DAPK1: variants seen among roughly 807,000 people sequenced by gnomAD.
The protein encoded by DAPK1 is death-associated protein kinase 1.
DAPK1 carries 56 observed loss-of-function variants against 144.9 expected under a neutral mutation model. The observed-to-expected ratio is 0.39, with a 90% CI of 0.31 to 0.48. The LOEUF (loss-of-function observed/expected upper bound fraction) is 0.48, where lower values mean the gene tolerates loss of function less well. DAPK1 is among the 20% of genes least tolerant of loss of function. The pLI, the probability that DAPK1 is intolerant of heterozygous loss-of-function variation, is 0.95. For missense variants in DAPK1, 1,454 were observed against 1,875.4 expected (o/e 0.78, Z 4.15); for synonymous variants, 690 against 749.0 (o/e 0.92, Z 1.29).
intron 2 of DAPK1, among the ~76,000 whole-genome samples, chr9:87,581,332 A>G (rs942387588): frequency 1.3e-5 from 2 of 152,112 alleles, no homozygotes; most frequent in Non-Finnish European, 2.9e-5. Context: ...GAACATCCTG[A>G]TATTAAGTAA....
chr9:87,623,775 G>A (rs940485358), intron 3 of DAPK1, among the ~76,000 whole-genome samples: 1 of 152,108 alleles, frequency 6.6e-6, no homozygotes, highest in Non-Finnish European at 1.5e-5. Flanking sequence ...TTGCTCATAA[G>A]TGCCTTTCAT....
At chr9:87,636,939 G>T (rs1280227015) in intron 3 of DAPK1, among the ~76,000 whole-genome samples, 1 of 152,110 alleles carries the variant, frequency 6.6e-6, no homozygotes, top group Admixed American at 6.5e-5. Flanking sequence ...CATGCTGTGT[G>T]CCTGGCTCTG....
intron 2 of DAPK1, among the ~76,000 whole-genome samples, chr9:87,576,631 C>T (rs1827572609): frequency 6.6e-6 from 1 of 152,166 alleles, no homozygotes; most frequent in African/African-American, 2.4e-5. Context: ...TATCTCGGCT[C>T]ACTGCAACCT....
chr9:87,571,476 A>ACACACACAC (rs771023885), intron 2 of DAPK1, among the ~76,000 whole-genome samples: 12 of 48,556 alleles, frequency 2.5e-4, no homozygotes, highest in African/African-American at 5.5e-4. Context: ...CACACACACC[A>ACACACACAC]ACACACACAC....
chr9:87,631,631 C>T (rs892202160), intron 3 of DAPK1, among the ~76,000 whole-genome samples: 1 of 152,244 alleles, frequency 6.6e-6, no homozygotes. Context: ...CTCCTTCCAT[C>T]AGCCTCCCTT....
chr9:87,524,039 T>C (rs1390452932), intron 2 of DAPK1, among the ~76,000 whole-genome samples: 1 of 152,230 alleles, frequency 6.6e-6, no homozygotes, highest in Non-Finnish European at 1.5e-5. Flanking sequence ...GTATCTCTAC[T>C]CAGCGAGGTG....
chr9:87,635,895 C>T (rs1829878530), intron 3 of DAPK1, among the ~76,000 whole-genome samples: 1 of 152,158 alleles, frequency 6.6e-6, no homozygotes, highest in Non-Finnish European at 1.5e-5. Context: ...GTGCGGGGCG[C>T]CCCAGAGAGC....
chr9:87,593,119 T>G (rs1419786306), intron 2 of DAPK1, among the ~76,000 whole-genome samples: 2 of 152,204 alleles, frequency 1.3e-5, no homozygotes, highest in Non-Finnish European at 2.9e-5. Context: ...CAAAGAAGCT[T>G]GGCTACCCTC....
intron 2 of DAPK1, among the ~76,000 whole-genome samples, chr9:87,538,790 C>G (rs924099696): frequency 2.0e-5 from 3 of 151,962 alleles, no homozygotes; most frequent in African/African-American, 7.2e-5. Context: ...AATTACAAAA[C>G]CATAATGAAT....
intron 3 of DAPK1, among the ~76,000 whole-genome samples, chr9:87,615,405 C>T (rs868192993): frequency 6.6e-6 from 1 of 152,190 alleles, no homozygotes; most frequent in Non-Finnish European, 1.5e-5. Flanking sequence ...AAGGCAGTGA[C>T]CGAGCATGGC....
chr9:87,531,644 G>C (rs537752639), intron 2 of DAPK1, among the ~76,000 whole-genome samples: 1 of 152,186 alleles, frequency 6.6e-6, no homozygotes, highest in Non-Finnish European at 1.5e-5. Flanking sequence ...TCTCCCCAGT[G>C]TAGGGCATTG....
intron 3 of DAPK1, among the ~76,000 whole-genome samples, chr9:87,608,278 T>C (rs1828804670): frequency 6.6e-6 from 1 of 152,230 alleles, no homozygotes; most frequent in South Asian, 2.1e-4. Context: ...TGAAAGTAGC[T>C]TCTTTCACTC....
intron 3 of DAPK1, among the ~76,000 whole-genome samples, chr9:87,611,630 T>C (rs1828934447): frequency 1.3e-5 from 2 of 152,192 alleles, no homozygotes; most frequent in Admixed American, 1.3e-4. Context: ...AGCTATTTTT[T>C]ATTTTTTGTA....
intron 2 of DAPK1, among the ~76,000 whole-genome samples, chr9:87,525,117 A>T (rs1252840054): frequency 6.6e-6 from 1 of 152,122 alleles, no homozygotes; most frequent in African/African-American, 2.4e-5. Flanking sequence ...GGTCCCTTGT[A>T]CCCCTCAGGA....
chr9:87,553,051 T>C (rs536383952), intron 2 of DAPK1, among the ~76,000 whole-genome samples: 1 of 152,346 alleles, frequency 6.6e-6, no homozygotes, highest in South Asian at 2.1e-4. Flanking sequence ...CTACATTTCC[T>C]TCTCCTCCTA....
Position 87,700,114 on chromosome 9 carries a change from T to C in DAPK1, c.2751-3T>C, listed in dbSNP as rs1405375209. ...GCTGAGGAGGCTGCTGCTCTTCCCT[T>C]AGGTTTGGAAATGATCTTCACATTT... On this transcript the variant is annotated splice_polypyrimidine_tract_variant and splice_region_variant and intron_variant, in intron 23 of 25. Coordinates refer to ENST00000408954, the MANE Select transcript of DAPK1 (RefSeq NM_004938.4). 1 of 1,611,724 alleles carries C rather than the reference T, an allele frequency of 6.2e-7. No homozygotes were observed. The highest frequency in any genetic ancestry group is 8.5e-7 in the Non-Finnish European group (1 of 1,177,910).
At chr9:87,599,533 TAA>T (rs1374836145) in intron 2 of DAPK1, among the ~76,000 whole-genome samples, 3 of 152,352 alleles carry the variant, frequency 2.0e-5, no homozygotes, top group African/African-American at 7.2e-5. Flanking sequence ...TTTTTTAATA[TAA>T]AACTCATTAA....
intron 17 of DAPK1, among the ~76,000 whole-genome samples, chr9:87,655,688 C>G (rs1172099974): frequency 6.6e-6 from 1 of 152,222 alleles, no homozygotes; most frequent in South Asian, 2.1e-4. Context: ...TGCATTCTTC[C>G]TCCTTCTCAT....
At chr9:87,602,835 T>C (rs562499062) in intron 2 of DAPK1, among the ~76,000 whole-genome samples, 72 of 152,278 alleles carry the variant, frequency 4.7e-4, no homozygotes, top group Admixed American at 1.4e-3. Context: ...GGTTTCACCA[T>C]GTTGGCCAGG....
Sources: gnomAD v4.1 joint callset for allele counts (sites outside exome capture counted in the v4.1 genomes callset) on GRCh38, gnomAD v4.1.1 for gene constraint, MANE v1.5 for transcripts, NCBI Gene and HGNC (gene_info 2026-07-23, HGNC 2026-07-21) for gene names.